CTNNA3: variants seen among roughly 807,000 people sequenced by gnomAD.
CTNNA3 encodes catenin alpha-3.
In CTNNA3, 76 loss-of-function variants were observed where a neutral mutation model predicts 95.7. That is an observed-to-expected ratio of 0.79 (90% CI 0.66 to 0.96). The LOEUF is 0.96. Among genes scored for constraint, CTNNA3 ranks in the 40% least tolerant of loss-of-function variants. The probability of loss-of-function intolerance (pLI) is 0.00; values close to 1 mark genes in which losing one functional copy is unlikely to be tolerated. For synonymous variants in CTNNA3, 431 were observed against 374.4 expected (o/e 1.15, Z -1.74); for missense variants, 1,191 against 1,089.8 (o/e 1.09, Z -1.31).
At chr10:67,421,780 A>G (rs1343087082) in intron 5 of CTNNA3, among the ~76,000 whole-genome samples, 1 of 152,192 alleles carries the variant, frequency 6.6e-6, no homozygotes, top group African/African-American at 2.4e-5. Context: ...CTCCAGAATG[A>G]CTGATAAGGT....
At chr10:66,080,717 A>C (rs2080724863) in intron 14 of CTNNA3, among the ~76,000 whole-genome samples, 1 of 152,126 alleles carries the variant, frequency 6.6e-6, no homozygotes, top group Non-Finnish European at 1.5e-5. Context: ...ACTCTGCTGA[A>C]GCGAAGTGAA....
At chr10:65,988,631 G>A in intron 16 of CTNNA3, 61 bp downstream of exon 16, 2 of 1,349,178 alleles carry the variant, frequency 1.5e-6, no homozygotes, top group East Asian at 2.3e-5. Context: ...CTAAATCAAT[G>A]TTCTAATGGC....
intron 10 of CTNNA3, among the ~76,000 whole-genome samples, chr10:66,526,783 T>G (rs1439527885): frequency 6.6e-6 from 1 of 152,158 alleles, no homozygotes; most frequent in Non-Finnish European, 1.5e-5. Context: ...ATTTTGCCCA[T>G]TTTTAAATTG....
chr10:65,966,583 T>A (rs368263410), intron 17 of CTNNA3, 29 bp downstream of exon 17: 3 of 1,580,226 alleles, frequency 1.9e-6, no homozygotes, highest in Non-Finnish European at 2.6e-6. Context: ...CTTCCACCTG[T>A]GATCATGTAA....
At chr10:67,045,906 T>C (rs1469135281) in intron 7 of CTNNA3, among the ~76,000 whole-genome samples, 1 of 152,236 alleles carries the variant, frequency 6.6e-6, no homozygotes, top group Non-Finnish European at 1.5e-5. Flanking sequence ...AAAGATTTAC[T>C]GGAAGAAAAA....
At chr10:67,546,540 A>T (rs1305716443) in intron 3 of CTNNA3, among the ~76,000 whole-genome samples, 1 of 152,224 alleles carries the variant, frequency 6.6e-6, no homozygotes, top group Non-Finnish European at 1.5e-5. Context: ...GGTTTACAGT[A>T]AAACAAACTG....
At chr10:65,961,251 T>C (rs1462341704) in intron 17 of CTNNA3, among the ~76,000 whole-genome samples, 2 of 152,174 alleles carry the variant, frequency 1.3e-5, no homozygotes, top group African/African-American at 4.8e-5. Flanking sequence ...TTCAAACTTT[T>C]GGAAAATTGA....
At chr10:67,237,122 G>GTATATATATATATATATATATATA (rs769498914) in intron 5 of CTNNA3, among the ~76,000 whole-genome samples, 2 of 79,636 alleles carry the variant, frequency 2.5e-5, no homozygotes, top group African/African-American at 6.8e-5. Context: ...AAACTATGGT[G>GTATATATATATATATATATATATA]TATGTATATA....
intron 5 of CTNNA3, among the ~76,000 whole-genome samples, chr10:67,480,477 A>C (rs974394506): frequency 1.3e-5 from 2 of 152,200 alleles, no homozygotes; most frequent in East Asian, 3.9e-4. Flanking sequence ...TATGATGCCC[A>C]TGCTGGAAGT....
At chr10:66,264,611 T>C (rs1418105099) in intron 13 of CTNNA3, among the ~76,000 whole-genome samples, 1 of 151,980 alleles carries the variant, frequency 6.6e-6, no homozygotes, top group Non-Finnish European at 1.5e-5. Flanking sequence ...TCAAAATTTG[T>C]TGTGTGTCGT....
At chr10:67,626,037 C>T (rs1477458147) in intron 2 of CTNNA3, among the ~76,000 whole-genome samples, 1 of 151,930 alleles carries the variant, frequency 6.6e-6, no homozygotes, top group African/African-American at 2.4e-5. Context: ...AAAAAATTAG[C>T]CAGGTGTGGT....
intron 15 of CTNNA3, among the ~76,000 whole-genome samples, chr10:66,041,021 C>G (rs1034794797): frequency 1.3e-5 from 2 of 152,068 alleles, no homozygotes; most frequent in African/African-American, 4.8e-5. Flanking sequence ...GGGGAGAAAG[C>G]CAGCAGACAC....
At chr10:67,106,018 T>C (rs183867053) in intron 7 of CTNNA3, among the ~76,000 whole-genome samples, 3 of 152,356 alleles carry the variant, frequency 2.0e-5, no homozygotes, top group Admixed American at 2.0e-4. Context: ...TGAGCCACCA[T>C]TGGCTTTGAC....
At chr10:67,135,870 T>C (rs1433564531) in intron 7 of CTNNA3, among the ~76,000 whole-genome samples, 1 of 152,232 alleles carries the variant, frequency 6.6e-6, no homozygotes, top group Non-Finnish European at 1.5e-5. Flanking sequence ...CAATTATATG[T>C]TTCTACTTTA....
At chr10:66,248,969 C>G (rs2090443766) in intron 13 of CTNNA3, among the ~76,000 whole-genome samples, 3 of 152,046 alleles carry the variant, frequency 2.0e-5, no homozygotes, top group Admixed American at 2.0e-4. Flanking sequence ...ACCAATGGAA[C>G]ATAATAGAGA....
chr10:67,129,890 G>A (rs750327243), intron 7 of CTNNA3, among the ~76,000 whole-genome samples: 6 of 152,066 alleles, frequency 3.9e-5, no homozygotes, highest in Non-Finnish European at 7.4e-5. Context: ...CATCTGTAAA[G>A]AATGATTCTT....
intron 11 of CTNNA3, among the ~76,000 whole-genome samples, chr10:66,396,096 T>C (rs965668205): frequency 1.3e-5 from 2 of 152,018 alleles, no homozygotes; most frequent in African/African-American, 4.8e-5. Flanking sequence ...AACATTTATA[T>C]TGCTGGAAAA....
Position 67,114,497 on chromosome 10 carries a change from G to C in CTNNA3, c.1047+65820C>G, listed in dbSNP as rs990092117. Among the ~76,000 whole-genome samples, 65 of 152,070 alleles carry C rather than the reference G, an allele frequency of 4.3e-4. 2 individuals are homozygous for C. The highest frequency in any genetic ancestry group is 4.3e-3 in the Admixed American group (65 of 15,256). ...GTCCACACAAAATGTATTTATTCTGGAGTCTCTGTAGATTTTTTTTATTGT... is the reference window on the plus strand; with the variant it reads ...GTCCACACAAAATGTATTTATTCTGCAGTCTCTGTAGATTTTTTTTATTGT... On this transcript the variant is annotated intron_variant, in intron 7 of 17. Coordinates refer to ENST00000433211, the MANE Select transcript of CTNNA3 (RefSeq NM_013266.4).
chr10:67,320,730 G>A (rs182414317), intron 5 of CTNNA3, among the ~76,000 whole-genome samples: 9 of 152,292 alleles, frequency 5.9e-5, no homozygotes, highest in Admixed American at 2.0e-4. Flanking sequence ...TGGGCTACAC[G>A]TTGATTATAG....
Sources: gnomAD v4.1 joint callset for allele counts (sites outside exome capture counted in the v4.1 genomes callset) on GRCh38, gnomAD v4.1.1 for gene constraint, MANE v1.5 for transcripts, NCBI Gene and HGNC (gene_info 2026-07-23, HGNC 2026-07-21) for gene names.